Variants in NDST3 observed in about 807,000 individuals in gnomAD.
NDST3 encodes bifunctional heparan sulfate N-deacetylase/N-sulfotransferase 3.
In NDST3, 58 loss-of-function variants were observed where a neutral mutation model predicts 96.1. The ratio of observed to expected loss-of-function variants is 0.60; its 90% CI spans 0.49 to 0.75. The LOEUF is 0.75. Ranked by LOEUF, NDST3 falls within the 30% of genes least tolerant of loss-of-function variation. The probability of loss-of-function intolerance (pLI) is 0.00; values close to 1 mark genes in which losing one functional copy is unlikely to be tolerated. For missense variants in NDST3, 788 were observed against 1,034.2 expected, an observed-to-expected ratio of 0.76 and a Z score of 3.27; for synonymous variants, 333 against 359.7, an observed-to-expected ratio of 0.93 and a Z score of 0.84.
intron 2 of NDST3, among the ~76,000 whole-genome samples, chr4:118,057,802 G>T (rs1725550850): frequency 6.6e-6 from 1 of 152,032 alleles, no homozygotes; most frequent in Admixed American, 6.6e-5. Flanking sequence ...AAGAAAGAGA[G>T]TGTAGAGCAC....
At chr4:118,073,759 C>T (rs1345116761) in intron 2 of NDST3, among the ~76,000 whole-genome samples, 1 of 151,734 alleles carries the variant, frequency 6.6e-6, no homozygotes, top group East Asian at 1.9e-4. Flanking sequence ...TAATTAAGTT[C>T]CAATATTGGT....
chr4:118,190,350 T>TA (rs1461459084), intron 6 of NDST3, among the ~76,000 whole-genome samples: 1 of 152,210 alleles, frequency 6.6e-6, no homozygotes, highest in Non-Finnish European at 1.5e-5. Context: ...TATATAGAAT[T>TA]AAACTCATGT....
Position 118,219,392 on chromosome 4 carries a change from C to A in NDST3, c.1540-5099C>A, listed in dbSNP as rs1390665323. Among the ~76,000 whole-genome samples, 5 of 152,210 alleles carry A rather than the reference C, an allele frequency of 3.3e-5. No individual in the cohort carries two copies. The East Asian group carries it at 5.8e-4, about 18-fold the overall frequency. On this transcript the variant is annotated intron_variant, in intron 6 of 13. Transcript: ENST00000296499. ...CGACCTCAGAAATAACACCATACAT[C>A]TACAACCATCTGATTATCAACACAA... is the stretch of plus-strand genomic sequence containing the variant.
intron 2 of NDST3, among the ~76,000 whole-genome samples, chr4:118,059,606 C>T (rs1428913632): frequency 1.3e-5 from 2 of 151,976 alleles, no homozygotes; most frequent in Admixed American, 6.6e-5. Flanking sequence ...TGTAAAGGTG[C>T]GCTCTGTGCT....
At chr4:118,192,658 C>T (rs1483487094) in intron 6 of NDST3, among the ~76,000 whole-genome samples, 1 of 150,960 alleles carries the variant, frequency 6.6e-6, no homozygotes, top group Non-Finnish European at 1.5e-5. Flanking sequence ...GTTTTAATGC[C>T]AACAACATGC....
chr4:118,248,683 C>T (rs970007233), intron 12 of NDST3, among the ~76,000 whole-genome samples: 3 of 152,224 alleles, frequency 2.0e-5, no homozygotes, highest in African/African-American at 4.8e-5. Context: ...CCAGCCATGA[C>T]AATGGTTGCC....
intron 2 of NDST3, among the ~76,000 whole-genome samples, chr4:118,081,220 C>T (rs568392760): frequency 4.3e-4 from 65 of 152,232 alleles, no homozygotes; most frequent in South Asian, 1.0e-3. Flanking sequence ...CCCTAAAGTT[C>T]GAGAACCCAT....
chr4:118,041,130 A>G (rs1724441246), intron 1 of NDST3, among the ~76,000 whole-genome samples: 1 of 151,954 alleles, frequency 6.6e-6, no homozygotes, highest in Non-Finnish European at 1.5e-5. Context: ...GCAGCATCTA[A>G]AGATAATAGC....
intron 4 of NDST3, among the ~76,000 whole-genome samples, chr4:118,122,234 G>A (rs1163426646): frequency 6.6e-6 from 1 of 152,162 alleles, no homozygotes; most frequent in East Asian, 1.9e-4. Flanking sequence ...ATGTGGGTAT[G>A]AGGGTGGGGG....
Position 118,054,812 on chromosome 4 carries a change from T to C in NDST3, c.902T>C (p.Leu301Ser). 3 of 1,613,204 alleles carry C rather than the reference T, an allele frequency of 1.9e-6. No homozygotes were observed. Among genetic ancestry groups the C allele is most frequent in the Non-Finnish European group, 2.5e-6 (3 of 1,179,354 alleles). Reference sequence around the variant, plus strand: ...TCAGGGAAGAGGCTGACATTGTCCTTGGACAGGTACATTCTTGTGGATATT... The same window carrying C: ...TCAGGGAAGAGGCTGACATTGTCCTCGGACAGGTACATTCTTGTGGATATT... ...FLSGKRLTLS[L>S]DRYILVDIDD... is the part of the protein sequence containing the mutation. Residue 301 changes from leucine (L) to serine (S), a missense_variant, in exon 2 of 14, where the codon TTG (leucine) becomes TCG (serine). Physicochemically the swap from Leu to Ser is moderately radical, Grantham distance 145. Around this residue, in one of 3 missense-constraint regions of NDST3, gnomAD observed 490 missense variants for 708.8 expected, o/e 0.69. Transcript: ENST00000296499.
At chr4:118,141,452 G>A (rs1733566505) in intron 5 of NDST3, among the ~76,000 whole-genome samples, 1 of 152,104 alleles carries the variant, frequency 6.6e-6, no homozygotes, top group Non-Finnish European at 1.5e-5. Context: ...TCTCTATGGG[G>A]TTCATACCCT....
rs940269509 is a variant in NDST3 at position 118,219,713 on chromosome 4, T to C, written c.1540-4778T>C. Among the ~76,000 whole-genome samples the C allele has an allele frequency of 1.3e-5, 2 of 152,234 alleles. 1 individual carries two copies. The highest frequency in any genetic ancestry group is 4.1e-4 in the South Asian group (2 of 4,830). On this transcript the variant is annotated intron_variant, in intron 6 of 13. Coordinates refer to ENST00000296499, the MANE Select transcript of NDST3 (RefSeq NM_004784.3). ...GATTATAATTAAACTAAAGAGCTTC[T>C]GCACAGCAAAAGAAACTATCATCAG...
At chr4:118,152,117 T>A (rs1197362832) in intron 6 of NDST3, among the ~76,000 whole-genome samples, 2 of 152,202 alleles carry the variant, frequency 1.3e-5, no homozygotes, top group African/African-American at 4.8e-5. Context: ...GAAAAATGAA[T>A]CTATTCATAA....
intron 6 of NDST3, among the ~76,000 whole-genome samples, chr4:118,204,288 TAA>T (rs56964722): frequency 0.13 from 17,473 of 135,838 alleles, 4,243 homozygotes; most frequent in African/African-American, 0.41. Flanking sequence ...ACCATCTGTT[TAA>T]AAAAAAAAAA....
chr4:118,216,149 T>C (rs1170553428), intron 6 of NDST3, among the ~76,000 whole-genome samples: 1 of 152,116 alleles, frequency 6.6e-6, no homozygotes, highest in Non-Finnish European at 1.5e-5. Flanking sequence ...TGCAGAGCAT[T>C]GAAAGCAGAA....
At chr4:118,130,241 G>T (rs1732500390) in intron 4 of NDST3, among the ~76,000 whole-genome samples, 1 of 151,878 alleles carries the variant, frequency 6.6e-6, no homozygotes, top group African/African-American at 2.4e-5. Context: ...TTTGTTTTCT[G>T]GTTGTTTTGG....
At chr4:118,097,286 T>C (rs1434312731) in intron 2 of NDST3, among the ~76,000 whole-genome samples, 2 of 151,930 alleles carry the variant, frequency 1.3e-5, no homozygotes, top group Non-Finnish European at 2.9e-5. Context: ...CTAGAGTATT[T>C]CTTATTGGAG....
At chr4:118,081,291 C>A (rs1361019026) in intron 2 of NDST3, among the ~76,000 whole-genome samples, 1 of 152,114 alleles carries the variant, frequency 6.6e-6, no homozygotes, top group African/African-American at 2.4e-5. Context: ...CTAAAAAATA[C>A]ACTATATTTT....
chr4:118,216,671 C>A (rs1354815051), intron 6 of NDST3, among the ~76,000 whole-genome samples: 1 of 151,876 alleles, frequency 6.6e-6, no homozygotes, highest in Non-Finnish European at 1.5e-5. Context: ...TCACGGAAAA[C>A]AGAGGGAAAT....
Sources: gnomAD v4.1 joint callset for allele counts (sites outside exome capture counted in the v4.1 genomes callset) on GRCh38, gnomAD v4.1.1 for gene constraint, gnomAD v4.1.1 regional missense constraint, MANE v1.5 for transcripts, NCBI Gene and HGNC (gene_info 2026-07-23, HGNC 2026-07-21) for gene names.